Variants in CBFA2T2 observed in about 807,000 individuals in gnomAD.
CBFA2T2 encodes protein CBFA2T2.
CBFA2T2 carries 11 observed loss-of-function variants against 62.2 expected under a neutral mutation model. That is an observed-to-expected ratio of 0.18 (90% CI 0.11 to 0.29). CBFA2T2 has a LOEUF of 0.29. Ranked by LOEUF, CBFA2T2 falls within the 10% of genes least tolerant of loss-of-function variation. The pLI, the probability that CBFA2T2 is intolerant of heterozygous loss-of-function variation, is 1.00. For missense variants in CBFA2T2, 592 were observed against 774.1 expected (o/e 0.76, Z 2.79); for synonymous variants, 295 against 287.5 (o/e 1.03, Z -0.27).
intron 2 of CBFA2T2, among the ~76,000 whole-genome samples, chr20:33,608,946 G>A (rs2015429225): frequency 6.6e-6 from 1 of 152,108 alleles, no homozygotes. Context: ...GATTGCTGAG[G>A]TTGAGTGTTC....
intron 1 of CBFA2T2, among the ~76,000 whole-genome samples, chr20:33,606,005 G>C (rs1485760401): frequency 6.6e-6 from 1 of 151,948 alleles, no homozygotes; most frequent in Non-Finnish European, 1.5e-5. Context: ...TTTTAGTAGA[G>C]ACAGGGTTTC....
At chr20:33,509,233 G>A in intron 1 of CBFA2T2, among the ~76,000 whole-genome samples, 1 of 151,948 alleles carries the variant, frequency 6.6e-6, no homozygotes, top group African/African-American at 2.4e-5. Context: ...TGGGTGTGGT[G>A]GCACACACCT....
At chr20:33,503,364 C>T (rs1267471641) in intron 1 of CBFA2T2, among the ~76,000 whole-genome samples, 1 of 148,632 alleles carries the variant, frequency 6.7e-6, no homozygotes, top group Non-Finnish European at 1.5e-5. Flanking sequence ...AAGCGATTCT[C>T]CTGCCTCAGC....
intron 1 of CBFA2T2, among the ~76,000 whole-genome samples, chr20:33,498,009 C>G (rs1045046062): frequency 3.3e-5 from 5 of 152,086 alleles, no homozygotes; most frequent in Non-Finnish European, 7.4e-5. Context: ...GTAAGTTTAT[C>G]CTAGTTTGGA....
At chr20:33,550,829 C>T (rs540278132) in intron 1 of CBFA2T2, among the ~76,000 whole-genome samples, 2 of 152,092 alleles carry the variant, frequency 1.3e-5, no homozygotes, top group East Asian at 3.9e-4. Flanking sequence ...ACCACCTTGC[C>T]CAGGCTGGTC....
Position 33,644,690 on chromosome 20 carries a change from G to A in CBFA2T2, c.*44G>A, listed in dbSNP as rs1369354377. 1.3e-6 allele frequency: 2 copies of A among 1,543,842 alleles called. No homozygotes were observed. The highest frequency in any genetic ancestry group is 2.5e-5 in the South Asian group (2 of 81,090). ...CCTGATGGCTGCTCAGCACCACAGA[G>A]TGCTTGGGCTGAGGGACTGACTGTT... is the stretch of plus-strand genomic sequence containing the variant. On this transcript the variant is annotated 3_prime_UTR_variant, in exon 11 of 11. Coordinates refer to ENST00000342704, the MANE Select transcript of CBFA2T2 (RefSeq NM_001032999.3).
At chr20:33,494,378 T>G (rs2146841854) in intron 1 of CBFA2T2, among the ~76,000 whole-genome samples, 1 of 136,432 alleles carries the variant, frequency 7.3e-6, no homozygotes, top group South Asian at 2.5e-4. Flanking sequence ...ACCTCCTGGG[T>G]TCACGCCATT....
At chr20:33,622,489 G>A in intron 4 of CBFA2T2, among the ~76,000 whole-genome samples, 1 of 152,146 alleles carries the variant, frequency 6.6e-6, no homozygotes, top group Middle Eastern at 3.2e-3. Flanking sequence ...CGAGTTCTGA[G>A]CTTTTAAAGA....
At position 33,595,473 on chromosome 20, in the gene CBFA2T2, G is replaced by A. The variant is rs541127572; in HGVS notation, c.35-11483G>A. Among the ~76,000 whole-genome samples, 10 of 152,250 alleles carry A rather than the reference G, an allele frequency of 6.6e-5. No homozygotes were observed. In the South Asian group the frequency reaches 2.1e-3, roughly 32 times the overall value. ...GATCCGCCCACCTCGGCCTCCCAAA[G>A]TGCTGGGATTACAGGCATGAGCCAC... is the stretch of plus-strand genomic sequence containing the variant. On this transcript the variant is annotated intron_variant, in intron 1 of 10. Coordinates refer to ENST00000342704, the MANE Select transcript of CBFA2T2 (RefSeq NM_001032999.3).
At chr20:33,574,128 T>C (rs2013708561) in intron 1 of CBFA2T2, 1 of 1,592,946 alleles carries the variant, frequency 6.3e-7, no homozygotes. Flanking sequence ...ATGGTAGTTT[T>C]TGTGGAGCAC....
intron 1 of CBFA2T2, among the ~76,000 whole-genome samples, chr20:33,573,691 A>G (rs1158456750): frequency 6.6e-6 from 1 of 152,014 alleles, no homozygotes; most frequent in Non-Finnish European, 1.5e-5. Context: ...CATATTTGCC[A>G]GGCTGGCCTC....
intron 1 of CBFA2T2, among the ~76,000 whole-genome samples, chr20:33,555,428 A>C (rs968697455): frequency 1.3e-5 from 2 of 152,126 alleles, no homozygotes; most frequent in Non-Finnish European, 2.9e-5. Flanking sequence ...CATGGATGGG[A>C]CTTGTTTTCT....
intron 1 of CBFA2T2, among the ~76,000 whole-genome samples, chr20:33,532,932 A>G (rs1365817242): frequency 6.6e-6 from 1 of 152,162 alleles, no homozygotes; most frequent in African/African-American, 2.4e-5. Flanking sequence ...CGTGTTTCTC[A>G]CTGCCTACAG....
In CBFA2T2 at chr20:33,644,711, C is replaced by T; in HGVS notation, c.*65C>T. ...CAGAGTGCTTGGGCTGAGGGACTGA[C>T]TGTTGGAACCCGTGCATGTAGCTGC... On this transcript the variant is annotated 3_prime_UTR_variant, in exon 11 of 11. Coordinates refer to ENST00000342704, the MANE Select transcript of CBFA2T2 (RefSeq NM_001032999.3). 6.7e-7 allele frequency: 1 copy of T among 1,497,594 alleles called. No individual in the cohort carries two copies. Among genetic ancestry groups the T allele is most frequent in the South Asian group, 1.3e-5 (1 of 76,746 alleles). The allele number at this position is 1,497,594 out of a possible 1,614,324, so 92.8% of individuals were successfully genotyped here. A position where few individuals can be genotyped will look rare whatever the true frequency, so the allele number is the denominator to read the frequency against.
At chr20:33,555,991 G>C (rs1345905501) in intron 1 of CBFA2T2, among the ~76,000 whole-genome samples, 1 of 152,156 alleles carries the variant, frequency 6.6e-6, no homozygotes, top group African/African-American at 2.4e-5. Context: ...TCAGCCTCCT[G>C]AATACTTGGG....
intron 9 of CBFA2T2, 127 bp from the exon 10 acceptor site, chr20:33,640,214 A>C (rs2016778009): frequency 1.2e-6 from 1 of 861,808 alleles, no homozygotes; most frequent in Non-Finnish European, 1.8e-6. Context: ...TGTGAAGATC[A>C]TGTGTTCCTC....
chr20:33,588,431 TTAATA>T (rs1235425737), intron 1 of CBFA2T2, among the ~76,000 whole-genome samples: 1 of 151,576 alleles, frequency 6.6e-6, no homozygotes, highest in Non-Finnish European at 1.5e-5. Context: ...GTAGCATATA[TTAATA>T]TAATATATAT....
chr20:33,562,568 T>C (rs1460952624), intron 1 of CBFA2T2: 4 of 985,732 alleles, frequency 4.1e-6, no homozygotes, highest in East Asian at 1.1e-4. Context: ...TGGTCTCCGA[T>C]TGAGCTTTGA....
At chr20:33,496,558 AG>A (rs1388672160) in intron 1 of CBFA2T2, among the ~76,000 whole-genome samples, 1 of 152,230 alleles carries the variant, frequency 6.6e-6, no homozygotes, top group Non-Finnish European at 1.5e-5. Flanking sequence ...TGGACCTTCA[AG>A]GAAGTCTAAA....
Sources: allele counts gnomAD v4.1 joint callset (sites outside exome capture counted in the v4.1 genomes callset), GRCh38; gene constraint gnomAD v4.1.1; transcripts MANE v1.5; gene names NCBI Gene and HGNC (gene_info 2026-07-23, HGNC 2026-07-21).